XPC: variants seen among roughly 807,000 people sequenced by gnomAD.
XPC encodes the protein XPC complex subunit, DNA damage recognition and repair factor.
XPC carries 76 observed loss-of-function variants against 95.8 expected under a neutral mutation model. That is an observed-to-expected ratio of 0.79 (90% CI 0.66 to 0.96). The LOEUF (loss-of-function observed/expected upper bound fraction) is 0.96, where lower values mean the gene tolerates loss of function less well. Among genes scored for constraint, XPC ranks in the 40% least tolerant of loss-of-function variants. XPC has a pLI of 0.00. For missense variants in XPC, 1,146 were observed against 1,179.8 expected (o/e 0.97, Z 0.42); for synonymous variants, 442 against 442.1 (o/e 1.00, Z 0.00).
chr3:14,146,220 C>A, intron 15 of XPC, 61 bp from the exon 16 acceptor site: 2 of 1,485,610 alleles, frequency 1.3e-6, no homozygotes, highest in Admixed American at 3.9e-5. Context: ...TACCAGGAAG[C>A]CCCATGAAGA....
chr3:14,146,192 C>G (rs368724139), intron 15 of XPC, 33 bp from the exon 16 acceptor site: 42 of 1,568,294 alleles, frequency 2.7e-5, no homozygotes, highest in Non-Finnish European at 3.5e-5. Flanking sequence ...AGGACACAGG[C>G]GAGGGTTAGT....
chr3:14,165,638 G>C (rs1696349678), intron 5 of XPC, 53 bp from the exon 6 acceptor site: 1 of 1,596,994 alleles, frequency 6.3e-7, no homozygotes, highest in East Asian at 2.3e-5. Context: ...CGGACACCAG[G>C]AGGAATTTTT....
At chr3:14,161,879 G>T (rs1696180618) in intron 7 of XPC, among the ~76,000 whole-genome samples, 1 of 151,610 alleles carries the variant, frequency 6.6e-6, no homozygotes, top group African/African-American at 2.4e-5. Context: ...ACTCATAGAT[G>T]GCATGATCCT....
chr3:14,163,691 T>C (rs1041956607), intron 7 of XPC, among the ~76,000 whole-genome samples: 10 of 152,346 alleles, frequency 6.6e-5, no homozygotes, highest in African/African-American at 1.7e-4. Context: ...TTGCACAACA[T>C]TGTAAATGTA....
Position 14,145,873 on chromosome 3 carries a change from C to T in XPC, c.*68G>A, listed in dbSNP as rs2125004064. ...CCCACCACCAGGGGCTGGGCATGCC[C>T]AGGGCAGGTGTGGGGCCTGTAGTGG... On this transcript the variant is annotated 3_prime_UTR_variant, in exon 16 of 16. Coordinates refer to ENST00000285021, the MANE Select transcript of XPC (RefSeq NM_004628.5). The T allele has an allele frequency of 6.4e-7, 1 of 1,554,414 alleles. No individual in the cohort carries two copies. The highest frequency in any genetic ancestry group is 8.8e-7 in the Non-Finnish European group (1 of 1,141,390).
At chr3:14,148,521 C>A (rs1441805181) in intron 13 of XPC, 41 bp downstream of exon 13, 1 of 1,607,126 alleles carries the variant, frequency 6.2e-7, no homozygotes, top group East Asian at 2.2e-5. Flanking sequence ...CCACCCCTCC[C>A]CATCCCTGTG....
At chr3:14,148,282 GA>G (rs1321827441) in intron 13 of XPC, 14 of 583,952 alleles carry the variant, frequency 2.4e-5, no homozygotes, top group Non-Finnish European at 4.2e-5. Flanking sequence ...AGCTGCCGGG[GA>G]AAGATGCTGA....
intron 8 of XPC, 75 bp downstream of exon 8, chr3:14,159,666 A>C: frequency 1.4e-6 from 2 of 1,388,354 alleles, no homozygotes; most frequent in Non-Finnish European, 2.0e-6. Context: ...AAAAAATATA[A>C]TAATGATCAA....
At chr3:14,175,445 GT>G (rs1028209779) in intron 1 of XPC, among the ~76,000 whole-genome samples, 5 of 150,874 alleles carry the variant, frequency 3.3e-5, no homozygotes, top group African/African-American at 4.9e-5. Flanking sequence ...ATGTGAATCC[GT>G]TTTTTTTTAA....
chr3:14,145,881 G>A lies in XPC; in HGVS notation c.*60C>T, dbSNP rs756388900. 2 of 1,564,870 alleles carry A rather than the reference G, an allele frequency of 1.3e-6. No homozygotes were observed. The highest frequency in any genetic ancestry group is 1.7e-6 in the Non-Finnish European group (2 of 1,148,080). On this transcript the variant is annotated 3_prime_UTR_variant, in exon 16 of 16. Transcript: ENST00000285021. ...CAGGGGCTGGGCATGCCCAGGGCAG[G>A]TGTGGGGCCTGTAGTGGGGCAGCAG...
intron 1 of XPC, among the ~76,000 whole-genome samples, chr3:14,177,004 G>A (rs764412474): frequency 5.3e-5 from 8 of 152,162 alleles, no homozygotes; most frequent in Non-Finnish European, 1.0e-4. Flanking sequence ...GGAGGCTGAG[G>A]CAGGAGAATC....
At chr3:14,152,707 T>C (rs1362610973) in intron 10 of XPC, 2 of 331,124 alleles carry the variant, frequency 6.0e-6, no homozygotes, top group Non-Finnish European at 1.1e-5. Flanking sequence ...GTCCAGAGCC[T>C]GTGAGAGCTC....
intron 5 of XPC, 192 bp from the exon 6 acceptor site, chr3:14,165,777 C>T (rs1696355401): frequency 3.4e-6 from 2 of 583,900 alleles, no homozygotes; most frequent in Non-Finnish European, 5.9e-6. Context: ...TCTCTGTATA[C>T]TCATTCCTTC....
intron 11 of XPC, among the ~76,000 whole-genome samples, chr3:14,150,247 G>T (rs919875381): frequency 2.0e-5 from 3 of 152,246 alleles, no homozygotes; most frequent in Non-Finnish European, 4.4e-5. Context: ...TGGGCGTGCG[G>T]CTGAGGGCTG....
chr3:14,177,760 T>C (rs1437926338), intron 1 of XPC, among the ~76,000 whole-genome samples: 1 of 150,656 alleles, frequency 6.6e-6, no homozygotes, highest in Non-Finnish European at 1.5e-5. Flanking sequence ...GGGAGGCCAG[T>C]AAAGAGGAAA....
chr3:14,157,458 C>T (rs964657278), intron 9 of XPC, among the ~76,000 whole-genome samples: 1 of 152,120 alleles, frequency 6.6e-6, no homozygotes, highest in Non-Finnish European at 1.5e-5. Context: ...AGTGCTGGTT[C>T]TAGGATCAAG....
chr3:14,148,205 G>A (rs964887476), intron 13 of XPC: 32 of 588,614 alleles, frequency 5.4e-5, no homozygotes, highest in South Asian at 4.2e-4. Flanking sequence ...AGATTCTGCC[G>A]AAGAAAGCTG....
At chr3:14,152,513 C>T in intron 10 of XPC, 97 bp from the exon 11 acceptor site, 2 of 1,204,730 alleles carry the variant, frequency 1.7e-6, no homozygotes, top group South Asian at 1.5e-5. Context: ...GCTCCCTCCT[C>T]AGGTTCAGCC....
Position 14,158,997 on chromosome 3 carries a change from C to G in XPC, c.991-105G>C. ...AGGGTTAAGTCACCAGCTAGAGAAC[C>G]AATACATCAAGATGTCCCCAGCTCA... On this transcript the variant is annotated intron_variant, in intron 8 of 15. Transcript: ENST00000285021. This position sits in a 1 kb window ranked among gnomAD's most constrained non-coding sequence, Gnocchi z 5.2. 1 of 1,427,488 alleles carries G rather than the reference C, an allele frequency of 7.0e-7. No individual in the cohort carries two copies. The highest frequency in any genetic ancestry group is 1.2e-5 in the South Asian group (1 of 82,256). 88.4% of individuals were successfully genotyped at this position (1,427,488 alleles called of 1,614,324 possible). A position where few individuals can be genotyped will look rare whatever the true frequency, so the allele number is the denominator to read the frequency against.
Sources: allele counts gnomAD v4.1 joint callset (sites outside exome capture counted in the v4.1 genomes callset), GRCh38; gene constraint gnomAD v4.1.1; non-coding constraint Gnocchi (gnomAD v3.1); transcripts MANE v1.5; gene names NCBI Gene and HGNC (gene_info 2026-07-23, HGNC 2026-07-21).